RIMS4: variants seen among roughly 807,000 people sequenced by gnomAD.
RIMS4 encodes regulating synaptic membrane exocytosis protein 4.
In RIMS4, 9 loss-of-function variants were observed where a neutral mutation model predicts 29.0. The ratio of observed to expected loss-of-function variants is 0.31; its 90% confidence interval spans 0.19 to 0.54. The LOEUF is 0.54. RIMS4 is among the 20% of genes least tolerant of loss of function. The probability of loss-of-function intolerance (pLI) is 0.94; values close to 1 mark genes in which losing one functional copy is unlikely to be tolerated. For synonymous variants in RIMS4, 130 were observed against 152.9 expected (o/e 0.85, Z 1.10); for missense variants, 193 against 365.7 (o/e 0.53, Z 3.85).
chr20:44,796,501 G>A (rs1238432534), intron 1 of RIMS4, among the ~76,000 whole-genome samples: 3 of 152,218 alleles, frequency 2.0e-5, no homozygotes, highest in African/African-American at 7.2e-5. Flanking sequence ...GCCCATTGGT[G>A]GGATGCAGAT....
chr20:44,809,124 C>T (rs933364263), intron 1 of RIMS4, among the ~76,000 whole-genome samples: 4 of 152,274 alleles, frequency 2.6e-5, no homozygotes, highest in Admixed American at 2.0e-4. Flanking sequence ...CGATGATCCC[C>T]ATTTCAGAGA....
At chr20:44,796,626 A>G (rs2066256341) in intron 1 of RIMS4, among the ~76,000 whole-genome samples, 1 of 152,230 alleles carries the variant, frequency 6.6e-6, no homozygotes, top group Non-Finnish European at 1.5e-5. Flanking sequence ...AGGGGCTCCC[A>G]GGAATGGTCA....
Position 44,758,201 on chromosome 20 carries a change from T to A in RIMS4, c.237-17A>T, listed in dbSNP as rs781704471. ...TAGTTAAGGCTGCAAGAGGAAAAGGTGAGACAAAGCACACATTCCCAGTGG... is the reference window on the plus strand; with the variant it reads ...TAGTTAAGGCTGCAAGAGGAAAAGGAGAGACAAAGCACACATTCCCAGTGG... On this transcript the variant is annotated splice_polypyrimidine_tract_variant and intron_variant, in intron 2 of 5. Coordinates refer to ENST00000372851, the MANE Select transcript of RIMS4 (RefSeq NM_182970.4). 3.0e-5 allele frequency: 48 copies of A among 1,578,504 alleles called. 1 individual carries two copies. The highest frequency in any genetic ancestry group is 3.8e-5 in the Non-Finnish European group (44 of 1,153,106).
intron 4 of RIMS4, 107 bp downstream of exon 4, chr20:44,757,563 G>T: frequency 1.2e-6 from 1 of 851,302 alleles, no homozygotes; most frequent in Admixed American, 1.8e-5. Context: ...TGGGACAGGG[G>T]GTCCCCACAG....
rs2066049827 is a variant in RIMS4, at chr20:44,754,536, T to G, written c.*1598A>C. 1 of 153,694 alleles carries G rather than the reference T, an allele frequency of 6.5e-6. No individual in the cohort carries two copies. The highest frequency in any genetic ancestry group is 6.6e-5 in the Admixed American group (1 of 15,254). The allele number at this position is 153,694 out of a possible 1,614,324, so 9.5% of individuals were successfully genotyped here. On this transcript the variant is annotated 3_prime_UTR_variant, in exon 6 of 6. Transcript: ENST00000372851. ...CCTTAGGAGTCCCTCATAAAGAAAG[T>G]CAGTACCAAGAATAATAAATCAGAA...
intron 2 of RIMS4, among the ~76,000 whole-genome samples, chr20:44,764,255 C>CATCCATCCATCCATCCATCTATCCA (rs1325046131): frequency 1.1e-4 from 16 of 144,300 alleles, no homozygotes; most frequent in Admixed American, 2.1e-4. Context: ...TCCATCCATC[C>CATCCATCCATCCATCCATCTATCCA]TCCCACAAAC....
At chr20:44,766,734 C>T (rs2066115215) in intron 2 of RIMS4, among the ~76,000 whole-genome samples, 1 of 152,148 alleles carries the variant, frequency 6.6e-6, no homozygotes, top group South Asian at 2.1e-4. Context: ...GAGATGGTAG[C>T]CCTGTGCACC....
In RIMS4 at chr20:44,752,544, C is replaced by T. The variant is rs2066038505; in HGVS notation, c.*3590G>A. ...AGTGGGACCTCAGGCAAGCACTTTC[C>T]CCTCCCAGGACCTCAGCTCCCTGCT... On this transcript the variant is annotated 3_prime_UTR_variant, in exon 6 of 6. Coordinates refer to ENST00000372851, the MANE Select transcript of RIMS4 (RefSeq NM_182970.4). 1 of 152,492 alleles carries T rather than the reference C, an allele frequency of 6.6e-6. No homozygotes were observed. The highest frequency in any genetic ancestry group is 2.4e-5 in the African/African-American group (1 of 41,466). 9.4% of individuals were successfully genotyped at this position (152,492 alleles called of 1,614,324 possible). A position where few individuals can be genotyped will look rare whatever the true frequency, so the allele number is the denominator to read the frequency against.
chr20:44,791,776 G>A (rs1381092765), intron 1 of RIMS4, among the ~76,000 whole-genome samples: 1 of 152,038 alleles, frequency 6.6e-6, no homozygotes, highest in Non-Finnish European at 1.5e-5. Flanking sequence ...TGGTGGTAAG[G>A]GGTGGATGTT....
intron 1 of RIMS4, among the ~76,000 whole-genome samples, chr20:44,795,134 C>A (rs1315329601): frequency 2.0e-5 from 3 of 152,206 alleles, no homozygotes; most frequent in African/African-American, 7.2e-5. Flanking sequence ...CTAACAAGAG[C>A]TAACATTTAT....
At chr20:44,757,223 G>T (rs904949842) in intron 4 of RIMS4, among the ~76,000 whole-genome samples, 186 bp from the exon 5 acceptor site, 1 of 151,952 alleles carries the variant, frequency 6.6e-6, no homozygotes, top group Non-Finnish European at 1.5e-5. Flanking sequence ...GGGCTTGGGT[G>T]CAGCCTGCCC....
At chr20:44,772,447 A>G (rs1601026764) in intron 1 of RIMS4, among the ~76,000 whole-genome samples, 1 of 152,282 alleles carries the variant, frequency 6.6e-6, no homozygotes, top group South Asian at 2.1e-4. Flanking sequence ...AGCTCAACTA[A>G]TAACTGTGGC....
At chr20:44,809,721 C>T (rs1229125304) in intron 1 of RIMS4, among the ~76,000 whole-genome samples, 1 of 152,064 alleles carries the variant, frequency 6.6e-6, no homozygotes, top group East Asian at 1.9e-4. Flanking sequence ...GGGCAGGGAT[C>T]CTCTGGATGT....
chr20:44,775,569 G>A (rs569183319), intron 1 of RIMS4, among the ~76,000 whole-genome samples: 1 of 152,328 alleles, frequency 6.6e-6, no homozygotes, highest in Non-Finnish European at 1.5e-5. Context: ...GCTTCACGCA[G>A]CCCCCAGAGT....
chr20:44,757,897 C>A (rs142788181), intron 3 of RIMS4, 126 bp from the exon 4 acceptor site: 3 of 975,398 alleles, frequency 3.1e-6, no homozygotes, highest in African/African-American at 3.2e-5. Flanking sequence ...AAGACCAGAA[C>A]CAACTCCCAC....
chr20:44,802,457 A>C (rs910762451), intron 1 of RIMS4, among the ~76,000 whole-genome samples: 2 of 152,148 alleles, frequency 1.3e-5, no homozygotes, highest in Non-Finnish European at 2.9e-5. Flanking sequence ...CCGGATTCCA[A>C]AGCTATGTTC....
At chr20:44,762,728 C>T (rs1028812980) in intron 2 of RIMS4, among the ~76,000 whole-genome samples, 4 of 152,204 alleles carry the variant, frequency 2.6e-5, no homozygotes, top group African/African-American at 9.6e-5. Context: ...ATCACGTCCT[C>T]CTGGGGGCTG....
chr20:44,757,745 G>T lies in RIMS4; in HGVS notation c.376C>A (p.Arg126=), dbSNP rs1261443825. The T allele has an allele frequency of 1.2e-6, 2 of 1,614,010 alleles. No individual in the cohort carries two copies. The highest frequency in any genetic ancestry group is 1.3e-5 in the African/African-American group (1 of 75,008). ...MGDVEIGLQE[R]NGQLEVDIIQ... Reference sequence around the variant, plus strand: ...ATGTCCACCTCCAACTGACCGTTCCGCTCCTGCAGACCGATCTCCACATCC... The same window carrying T: ...ATGTCCACCTCCAACTGACCGTTCCTCTCCTGCAGACCGATCTCCACATCC... Residue 126 remains arginine, a synonymous_variant, in exon 4 of 6, where the codon CGG becomes AGG. Transcript: ENST00000372851.
chr20:44,766,935 A>C (rs1316257268), intron 2 of RIMS4, among the ~76,000 whole-genome samples: 1 of 152,202 alleles, frequency 6.6e-6, no homozygotes, highest in East Asian at 1.9e-4. Context: ...ACTGCTCAGT[A>C]ACTCGTTAAG....
Sources: gnomAD v4.1 joint callset for allele counts (sites outside exome capture counted in the v4.1 genomes callset) on GRCh38, gnomAD v4.1.1 for gene constraint, MANE v1.5 for transcripts, NCBI Gene and HGNC (gene_info 2026-07-23, HGNC 2026-07-21) for gene names.